The following ZCCHC8 variants were observed in gnomAD, a reference collection of about 807,000 sequenced individuals.
ZCCHC8 encodes the protein zinc finger CCHC-type containing 8.
A neutral mutation model predicts 70.6 loss-of-function variants in ZCCHC8; 27 were observed. The ratio of observed to expected loss-of-function variants is 0.38; its 90% confidence interval spans 0.28 to 0.53. The LOEUF is 0.53. Ranked by LOEUF, ZCCHC8 falls within the 20% of genes least tolerant of loss-of-function variation. The pLI, the probability that ZCCHC8 is intolerant of heterozygous loss-of-function variation, is 0.81. For missense variants in ZCCHC8, 737 were observed against 876.9 expected, an observed-to-expected ratio of 0.84 and a Z score of 2.01; for synonymous variants, 293 against 317.4, an observed-to-expected ratio of 0.92 and a Z score of 0.82.
At chr12:122,491,402 A>G (rs7303688) in intron 3 of ZCCHC8, among the ~76,000 whole-genome samples, 92,624 of 151,492 alleles carry the variant, frequency 0.61, 29,168 homozygotes, top group African/African-American at 0.75. Flanking sequence ...GGTGGCAGGC[A>G]CCTGTAATCC....
chr12:122,490,603 G>T, intron 3 of ZCCHC8, 36 bp from the exon 4 acceptor site: 1 of 1,337,118 alleles, frequency 7.5e-7, no homozygotes, highest in Non-Finnish European at 1.0e-6. Context: ...AACCCAGACA[G>T]AGTAAAACAT....
chr12:122,474,704 C>T (rs1462423020), intron 13 of ZCCHC8, among the ~76,000 whole-genome samples: 1 of 148,816 alleles, frequency 6.7e-6, no homozygotes, highest in Admixed American at 6.7e-5. Flanking sequence ...AGGGGCAAGG[C>T]AGGAGTACAC....
At position 122,477,973 on chromosome 12, in the gene ZCCHC8, A is replaced by G. The variant is rs771572785; in HGVS notation, c.1228-15T>C. 5.1e-6 allele frequency: 8 copies of G among 1,581,440 alleles called. No homozygotes were observed. The highest frequency in any genetic ancestry group is 7.0e-6 in the Non-Finnish European group (8 of 1,150,366). Reference sequence around the variant, plus strand: ...TTCACACCTGGCTAAAAGAGCAACCAGACCAAACACAAGTTAAGCGGGGTA... The same window carrying G: ...TTCACACCTGGCTAAAAGAGCAACCGGACCAAACACAAGTTAAGCGGGGTA... On this transcript the variant is annotated splice_polypyrimidine_tract_variant and intron_variant, in intron 12 of 13. Coordinates refer to ENST00000633063, the MANE Select transcript of ZCCHC8 (RefSeq NM_017612.5).
chr12:122,492,251 T>G lies in ZCCHC8; in HGVS notation c.317+464A>C, dbSNP rs1957760114. 3.0e-5 allele frequency: 5 copies of G among 168,444 alleles called. No homozygotes were observed. The Admixed American group carries it at 3.2e-4, about 11-fold the overall frequency. The allele number at this position is 168,444 out of a possible 1,614,324, so 10.4% of individuals were successfully genotyped here. On this transcript the variant is annotated intron_variant, in intron 3 of 13. Coordinates refer to ENST00000633063, the MANE Select transcript of ZCCHC8 (RefSeq NM_017612.5). ...TGCTGATGGTTTGCAAAAGTCTAGT[T>G]TTGCTGTTAAAACAAATAATCAAGT...
At chr12:122,487,547 T>C (rs1429296013) in intron 5 of ZCCHC8, among the ~76,000 whole-genome samples, 1 of 152,218 alleles carries the variant, frequency 6.6e-6, no homozygotes, top group Non-Finnish European at 1.5e-5. Flanking sequence ...ACTTGTTTTT[T>C]TTCTTTTTTC....
chr12:122,491,730 C>A (rs1395850939), intron 3 of ZCCHC8, among the ~76,000 whole-genome samples: 1 of 148,798 alleles, frequency 6.7e-6, no homozygotes, highest in African/African-American at 2.5e-5. Flanking sequence ...TGGGAGGCTG[C>A]GGCAGGAGAA....
chr12:122,480,407 C>T, intron 10 of ZCCHC8, 96 bp from the exon 11 acceptor site: 2 of 1,060,938 alleles, frequency 1.9e-6, no homozygotes, highest in Non-Finnish European at 2.5e-6. Flanking sequence ...ATAATCATGG[C>T]AACAGAATTA....
chr12:122,496,982 T>C (rs1957835399), intron 2 of ZCCHC8, among the ~76,000 whole-genome samples: 1 of 151,740 alleles, frequency 6.6e-6, no homozygotes, highest in Admixed American at 6.6e-5. Context: ...CCATCTCTAC[T>C]AAAAATACAA....
In ZCCHC8 at chr12:122,500,828, C is replaced by T. The variant is rs776125502; in HGVS notation, c.13G>A (p.Val5Met). 3.2e-6 allele frequency: 5 copies of T among 1,571,494 alleles called. No individual in the cohort carries two copies. Among genetic ancestry groups the T allele is most frequent in the South Asian group, 1.2e-5 (1 of 85,586 alleles). MAAE[V>M]YFGDLELFEP... ...AAGAGCTCTAGATCGCCAAAATACA[C>T]CTCTGCGGCCATTTTGGGCTGTGGA... is the stretch of plus-strand genomic sequence containing the variant. The change falls in exon 1 of 14, where the codon GTG (valine) becomes ATG (methionine). Residue 5 changes from valine (V) to methionine (M), a missense_variant. Coordinates refer to ENST00000633063, the MANE Select transcript of ZCCHC8 (RefSeq NM_017612.5). This position sits in a 1 kb window ranked among gnomAD's most constrained non-coding sequence, Gnocchi z 4.8.
At position 122,483,203 on chromosome 12, in the gene ZCCHC8, G is replaced by T; in HGVS notation, c.671+76C>A. 3.7e-6 allele frequency: 5 copies of T among 1,362,766 alleles called. No individual in the cohort carries two copies. Among genetic ancestry groups the T allele is most frequent in the Middle Eastern group, 2.4e-4 (1 of 4,154 alleles). 84.4% of individuals were successfully genotyped at this position (1,362,766 alleles called of 1,614,324 possible). The stretch of plus-strand genomic sequence containing the variant: ...AGAGTAAACCAGCAGTAAAGAACAT[G>T]AACTTTTCAAGCCAAAAGTTTATGA... On this transcript the variant is annotated intron_variant, in intron 7 of 13. Transcript: ENST00000633063. This position sits in a 1 kb window ranked among gnomAD's most constrained non-coding sequence, Gnocchi z 4.4.
intron 2 of ZCCHC8, among the ~76,000 whole-genome samples, chr12:122,496,158 A>T (rs1242841622): frequency 1.0e-5 from 1 of 98,372 alleles, no homozygotes. Flanking sequence ...CAGAGTGAGA[A>T]ATTGTCTCAA....
At chr12:122,478,836 G>C (rs796623410) in intron 11 of ZCCHC8, among the ~76,000 whole-genome samples, 33 of 152,282 alleles carry the variant, frequency 2.2e-4, no homozygotes, top group African/African-American at 7.9e-4. Flanking sequence ...AATCAGTTAA[G>C]TCTAAGGGTG....
chr12:122,486,552 G>A (rs1216480024), intron 5 of ZCCHC8, among the ~76,000 whole-genome samples: 13 of 151,338 alleles, frequency 8.6e-5, no homozygotes, highest in East Asian at 5.8e-4. Context: ...TTCAGACCAC[G>A]TGCTCCAGAC....
At chr12:122,479,532 AAG>A (rs1957488713) in intron 11 of ZCCHC8, among the ~76,000 whole-genome samples, 1 of 152,216 alleles carries the variant, frequency 6.6e-6, no homozygotes, top group Non-Finnish European at 1.5e-5. Context: ...AATCAGGAAA[AAG>A]AGTGATAATA....
intron 5 of ZCCHC8, among the ~76,000 whole-genome samples, chr12:122,488,482 A>G (rs1290770181): frequency 6.6e-6 from 1 of 151,880 alleles, no homozygotes; most frequent in Non-Finnish European, 1.5e-5. Context: ...CACCCAGCCT[A>G]AAATTGTGGT....
intron 4 of ZCCHC8, 134 bp from the exon 5 acceptor site, chr12:122,489,597 AG>A (rs1957709421): frequency 6.1e-6 from 5 of 813,044 alleles, no homozygotes; most frequent in Non-Finnish European, 1.0e-5. Flanking sequence ...AAGATGTAAA[AG>A]GAGAGCTTCT....
intron 2 of ZCCHC8, among the ~76,000 whole-genome samples, chr12:122,496,175 T>TAA (rs11379513): frequency 1.2e-3 from 174 of 150,662 alleles, no homozygotes; most frequent in African/African-American, 3.1e-3. Flanking sequence ...TCAAAAAATT[T>TAA]AAAAAAAAAC....
intron 5 of ZCCHC8, 108 bp downstream of exon 5, chr12:122,489,278 C>A (rs1957702736): frequency 3.2e-6 from 3 of 941,026 alleles, no homozygotes; most frequent in Non-Finnish European, 4.7e-6. Flanking sequence ...ATGCTGTTAT[C>A]AAGTGAAGAC....
Position 122,500,487 on chromosome 12 carries a change from G to A in ZCCHC8, c.199+155C>T. On this transcript the variant is annotated intron_variant, in intron 1 of 13. Coordinates refer to ENST00000633063, the MANE Select transcript of ZCCHC8 (RefSeq NM_017612.5). The surrounding 1 kb of genome is among the most constrained non-coding windows in gnomAD (Gnocchi z 4.8). ...TGCGCGCCCCGAACCCTAGACTCTC[G>A]GTCCGCCGGCGGGTGACAGAAAGCA... is the stretch of plus-strand genomic sequence containing the variant. The A allele has an allele frequency of 9.7e-7, 1 of 1,026,200 alleles. No homozygotes were observed. The highest frequency in any genetic ancestry group is 1.4e-6 in the Non-Finnish European group (1 of 728,144). 63.6% of individuals were successfully genotyped at this position (1,026,200 alleles called of 1,614,324 possible).
Sources: gnomAD v4.1 joint callset for allele counts (sites outside exome capture counted in the v4.1 genomes callset) on GRCh38, gnomAD v4.1.1 for gene constraint, Gnocchi (gnomAD v3.1) non-coding constraint, MANE v1.5 for transcripts, NCBI Gene and HGNC (gene_info 2026-07-23, HGNC 2026-07-21) for gene names.